The following RUNDC3B variants were observed in gnomAD, a reference collection of about 807,000 sequenced individuals.
RUNDC3B encodes RUN domain containing 3B.
A neutral mutation model predicts 58.4 loss-of-function variants in RUNDC3B; 33 were observed. The ratio of observed to expected loss-of-function variants is 0.56; its 90% confidence interval spans 0.43 to 0.75. The LOEUF (loss-of-function observed/expected upper bound fraction) is 0.75, where lower values mean the gene tolerates loss of function less well. Ranked by LOEUF, RUNDC3B falls within the 30% of genes least tolerant of loss-of-function variation. RUNDC3B has a pLI of 0.00. For synonymous variants in RUNDC3B, 193 were observed against 195.2 expected (o/e 0.99, Z 0.10); for missense variants, 501 against 535.7 (o/e 0.94, Z 0.64).
At chr7:87,690,054 C>T (rs1028802634) in intron 2 of RUNDC3B, among the ~76,000 whole-genome samples, 11 of 151,948 alleles carry the variant, frequency 7.2e-5, no homozygotes, top group South Asian at 2.1e-4. Flanking sequence ...GATCTCGAAC[C>T]GCTGAGCTCA....
chr7:87,701,302 A>G (rs1398919543), intron 3 of RUNDC3B, among the ~76,000 whole-genome samples: 3 of 152,236 alleles, frequency 2.0e-5, no homozygotes, highest in Non-Finnish European at 2.9e-5. Flanking sequence ...ACTTCAAGGA[A>G]ACAGCTGACA....
intron 9 of RUNDC3B, among the ~76,000 whole-genome samples, chr7:87,814,770 T>A (rs190975437): frequency 1.3e-5 from 2 of 152,302 alleles, no homozygotes; most frequent in Admixed American, 1.3e-4. Context: ...TTATTTTAAA[T>A]AAGGACTTTA....
In RUNDC3B at chr7:87,656,611, G is replaced by T. The variant is rs191869833; in HGVS notation, c.238+5674G>T. 1.6e-4 allele frequency among the ~76,000 whole-genome samples: 25 copies of T among 152,134 alleles called. No individual in the cohort carries two copies. In the East Asian group the frequency reaches 4.8e-3, roughly 29 times the overall value. On this transcript the variant is annotated intron_variant, in intron 2 of 10. Transcript: ENST00000394654. ...AGGAAAATAGAATAAAGAAGAGAAA[G>T]ACGTTAGAGGATACTCATTTTCCAA...
intron 6 of RUNDC3B, among the ~76,000 whole-genome samples, chr7:87,759,652 G>A (rs1833568484): frequency 6.6e-6 from 1 of 151,918 alleles, no homozygotes; most frequent in Non-Finnish European, 1.5e-5. Flanking sequence ...TTAAAAATTA[G>A]CCAGATGTAG....
At chr7:87,646,628 AAGGTGG>A (rs1053048043) in intron 1 of RUNDC3B, among the ~76,000 whole-genome samples, 30 of 152,104 alleles carry the variant, frequency 2.0e-4, no homozygotes, top group Non-Finnish European at 7.4e-5. Context: ...ATTCAGGTCA[AAGGTGG>A]AGGTGGAGGT....
In RUNDC3B at chr7:87,700,682, T is replaced by C. The variant is rs529102748; in HGVS notation, c.372+128T>C. On this transcript the variant is annotated intron_variant, in intron 3 of 10. Transcript: ENST00000394654. ...AGAAGCATAATAAAATACGTCCTGTTCTGTGATGTTTCTACATTTCTTGAA... is the reference window on the plus strand; with the variant it reads ...AGAAGCATAATAAAATACGTCCTGTCCTGTGATGTTTCTACATTTCTTGAA... 215 of 797,340 alleles carry C rather than the reference T, an allele frequency of 2.7e-4. No individual in the cohort carries two copies. The African/African-American group carries it at 3.2e-3, about 12-fold the overall frequency. 49.4% of individuals were successfully genotyped at this position (797,340 alleles called of 1,614,324 possible).
chr7:87,738,857 T>G (rs1248623376), intron 4 of RUNDC3B, among the ~76,000 whole-genome samples: 1 of 151,888 alleles, frequency 6.6e-6, no homozygotes, highest in Non-Finnish European at 1.5e-5. Flanking sequence ...CATATTGAAA[T>G]TTTTTGCAGA....
chr7:87,660,923 A>G (rs1239601033), intron 2 of RUNDC3B, among the ~76,000 whole-genome samples: 1 of 151,902 alleles, frequency 6.6e-6, no homozygotes, highest in African/African-American at 2.4e-5. Flanking sequence ...TTTGGTTTGT[A>G]TGGTAGATTT....
chr7:87,787,952 C>T (rs183556569), intron 8 of RUNDC3B, among the ~76,000 whole-genome samples: 4 of 152,254 alleles, frequency 2.6e-5, no homozygotes, highest in Admixed American at 6.5e-5. Context: ...GATTTCCAAA[C>T]GGCAATGGGA....
chr7:87,692,564 A>G (rs1017776101), intron 2 of RUNDC3B, among the ~76,000 whole-genome samples: 5 of 152,212 alleles, frequency 3.3e-5, no homozygotes, highest in African/African-American at 1.2e-4. Flanking sequence ...AAATCTGGTC[A>G]TGATATGCTT....
intron 4 of RUNDC3B, among the ~76,000 whole-genome samples, chr7:87,730,676 G>T (rs1472482154): frequency 6.6e-6 from 1 of 151,484 alleles, no homozygotes; most frequent in Non-Finnish European, 1.5e-5. Flanking sequence ...GGTGGAATTT[G>T]CCATCTGCTG....
At chr7:87,695,072 A>T (rs577614759) in intron 2 of RUNDC3B, among the ~76,000 whole-genome samples, 75 of 152,256 alleles carry the variant, frequency 4.9e-4, no homozygotes, top group African/African-American at 1.7e-3. Context: ...TGTAAGTAGC[A>T]TGTAGAACTA....
chr7:87,736,855 C>A (rs1156669198), intron 4 of RUNDC3B, among the ~76,000 whole-genome samples: 16 of 36,224 alleles, frequency 4.4e-4, no homozygotes, highest in South Asian at 3.2e-3. Context: ...ATATATATAC[C>A]TATATATATA....
At chr7:87,632,537 ACT>A (rs772780915) in intron 1 of RUNDC3B, among the ~76,000 whole-genome samples, 1 of 152,150 alleles carries the variant, frequency 6.6e-6, no homozygotes, top group Non-Finnish European at 1.5e-5. Context: ...AATCTTACAC[ACT>A]CAACTTCAAA....
intron 2 of RUNDC3B, among the ~76,000 whole-genome samples, chr7:87,659,985 T>C (rs1263171050): frequency 1.3e-5 from 2 of 152,186 alleles, no homozygotes; most frequent in Non-Finnish European, 2.9e-5. Context: ...ATTGTTTTAA[T>C]CTACTTTGCC....
intron 4 of RUNDC3B, among the ~76,000 whole-genome samples, chr7:87,729,631 T>G (rs1831461205): frequency 6.6e-6 from 1 of 152,052 alleles, no homozygotes; most frequent in Non-Finnish European, 1.5e-5. Context: ...TTAAATAAAT[T>G]TAAAAAGCAG....
intron 4 of RUNDC3B, among the ~76,000 whole-genome samples, chr7:87,716,907 G>A (rs1830583971): frequency 6.6e-6 from 1 of 152,170 alleles, no homozygotes; most frequent in Non-Finnish European, 1.5e-5. Context: ...CACAGTCATG[G>A]CTCACTATAG....
intron 3 of RUNDC3B, among the ~76,000 whole-genome samples, chr7:87,703,536 A>G (rs1437656501): frequency 6.6e-6 from 1 of 152,176 alleles, no homozygotes; most frequent in Non-Finnish European, 1.5e-5. Context: ...ATCTTCAACC[A>G]AGGGGTTGTA....
At chr7:87,669,746 T>C (rs1825646885) in intron 2 of RUNDC3B, among the ~76,000 whole-genome samples, 1 of 152,234 alleles carries the variant, frequency 6.6e-6, no homozygotes, top group Non-Finnish European at 1.5e-5. Flanking sequence ...TTTGGCTGTA[T>C]ATGAAATTCT....
Sources: gnomAD v4.1 joint callset for allele counts (sites outside exome capture counted in the v4.1 genomes callset) on GRCh38, gnomAD v4.1.1 for gene constraint, MANE v1.5 for transcripts, NCBI Gene and HGNC (gene_info 2026-07-23, HGNC 2026-07-21) for gene names.